Variants in DNAH11 observed in about 807,000 individuals in gnomAD.
DNAH11 encodes the protein axonemal beta dynein heavy chain 11.
A neutral mutation model predicts 526.0 loss-of-function variants in DNAH11; 442 were observed. That is an observed-to-expected ratio of 0.84 (90% CI 0.78 to 0.91). The LOEUF is 0.91. DNAH11 is among the 40% of genes least tolerant of loss of function. DNAH11 has a pLI of 0.00. For missense variants in DNAH11, 6,989 were observed against 5,448.7 expected, an observed-to-expected ratio of 1.28 and a Z score of -8.90; for synonymous variants, 2,461 against 1,935.9, an observed-to-expected ratio of 1.27 and a Z score of -7.12.
chr7:21,750,253 T>A lies in DNAH11; in HGVS notation c.8829T>A (p.Asp2943Glu), dbSNP rs886038474. The stretch of plus-strand genomic sequence containing the variant: ...TCCCAGATCTGTTCAGCGATGAAGA[T>A]GTGGACAAGATAATTTCTGGAATTC... Reference protein sequence around the residue: ...GEIPDLFSDEDVDKIISGIHN... With the variant: ...GEIPDLFSDEEVDKIISGIHN... Residue 2943 changes from aspartate (D) to glutamate (E), a missense_variant, in exon 54 of 82, where the codon GAT becomes GAA. By Grantham distance (45) the Asp-to-Glu change is conservative. Transcript: ENST00000409508. 3.7e-6 allele frequency: 6 copies of A among 1,606,388 alleles called. No homozygotes were observed. Among genetic ancestry groups the A allele is most frequent in the Non-Finnish European group, 4.3e-6 (5 of 1,176,350 alleles).
chr7:21,616,381 G>T, intron 22 of DNAH11, 89 bp downstream of exon 22: 1 of 1,025,268 alleles, frequency 9.8e-7, no homozygotes, highest in Non-Finnish European at 1.4e-6. Context: ...GGTGTATTGG[G>T]CTGCATGTAC....
In DNAH11 at chr7:21,765,582, G is replaced by A. The variant is rs1490098860; in HGVS notation, c.9095G>A (p.Gly3032Glu). The A allele has an allele frequency of 1.3e-5, 20 of 1,541,360 alleles. 1 individual carries two copies. Among genetic ancestry groups the A allele is most frequent in the East Asian group, 7.0e-5 (3 of 42,986 alleles). Residue 3032 changes from glycine to glutamate, a missense_variant, in exon 55 of 82, where the codon GGA (glycine) becomes GAA (glutamate). Gly to Glu is a moderately conservative substitution (Grantham distance 98). Coordinates refer to ENST00000409508, the MANE Select transcript of DNAH11 (RefSeq NM_001277115.2). Reference sequence around the variant, plus strand: ...AGGAGGTTCATTGAGGAAACCAAGGGAATTGAGGTATGCCGTGTCAGCCTG... The same window carrying A: ...AGGAGGTTCATTGAGGAAACCAAGGAAATTGAGGTATGCCGTGTCAGCCTG... ...VSRRFIEETK[G>E]IEPVHKDSIS...
chr7:21,753,582 T>C (rs988036430), intron 54 of DNAH11, among the ~76,000 whole-genome samples: 4 of 152,232 alleles, frequency 2.6e-5, no homozygotes, highest in African/African-American at 9.6e-5. Context: ...CTAAACAACA[T>C]GTATTTCTTC....
rs201303707 is a variant in DNAH11 at position 21,895,975 on chromosome 7, C to T, written c.13049+976C>T. Among the ~76,000 whole-genome samples the T allele has an allele frequency of 1.3e-3, 200 of 152,184 alleles. 1 individual carries two copies. Among genetic ancestry groups the T allele is most frequent in the Middle Eastern group, 6.8e-3 (2 of 294 alleles). On this transcript the variant is annotated intron_variant, in intron 79 of 81. Transcript: ENST00000409508. ...CAATCTCCTGACCTCATGATCTGCCCGCCTCAGCCTCCCAAAGTGCTGGGA... is the reference window on the plus strand; with the variant it reads ...CAATCTCCTGACCTCATGATCTGCCTGCCTCAGCCTCCCAAAGTGCTGGGA...
chr7:21,862,680 A>G (rs2128031313), intron 69 of DNAH11, among the ~76,000 whole-genome samples: 1 of 152,354 alleles, frequency 6.6e-6, no homozygotes, highest in Admixed American at 6.5e-5. Context: ...GACAGCAGTG[A>G]CTAGGTAAAG....
rs770202724 is a variant in DNAH11, at chr7:21,588,180, G to A, written c.1827G>A (p.Leu609=). The A allele has an allele frequency of 6.2e-7, 1 of 1,612,556 alleles. No homozygotes were observed. The change falls in exon 10 of 82, where the codon CTG becomes CTA. Residue 609 remains leucine (L), a synonymous_variant. Coordinates refer to ENST00000409508, the MANE Select transcript of DNAH11 (RefSeq NM_001277115.2). Reference sequence around the variant, plus strand: ...CAGAGCTGGATGTGTGTAAGCAACTGTATAATGAACACATGAAACAGGTAA... The same window carrying A: ...CAGAGCTGGATGTGTGTAAGCAACTATATAATGAACACATGAAACAGGTAA... ...FNTELDVCKQ[L]YNEHMKQIEC... is the part of the protein sequence containing the mutation.
At chr7:21,615,072 T>C (rs770453175) in intron 20 of DNAH11, 42 bp from the exon 21 acceptor site, 1 of 1,555,240 alleles carries the variant, frequency 6.4e-7, no homozygotes, top group Non-Finnish European at 8.6e-7. Context: ...GTCTTCTCTT[T>C]CTCTGGCAGT....
chr7:21,802,864 A>G (rs769620145), intron 62 of DNAH11, among the ~76,000 whole-genome samples: 7 of 151,798 alleles, frequency 4.6e-5, no homozygotes, highest in African/African-American at 9.7e-5. Flanking sequence ...AGTGACTACT[A>G]CTGGATACAT....
intron 38 of DNAH11, among the ~76,000 whole-genome samples, chr7:21,704,934 C>G (rs1231591502): frequency 1.3e-5 from 2 of 152,094 alleles, no homozygotes; most frequent in African/African-American, 4.8e-5. Context: ...GTTCTTTCCT[C>G]CTTTTTAGAG....
intron 62 of DNAH11, among the ~76,000 whole-genome samples, 152 bp from the exon 63 acceptor site, chr7:21,807,731 G>T (rs567096352): frequency 6.6e-6 from 1 of 152,298 alleles, no homozygotes; most frequent in Admixed American, 6.5e-5. Flanking sequence ...ACACATGAAA[G>T]ATTATAACAG....
At chr7:21,830,652 T>A (rs535676923) in intron 65 of DNAH11, among the ~76,000 whole-genome samples, 1 of 151,928 alleles carries the variant, frequency 6.6e-6, no homozygotes. Context: ...CTAAGCCACC[T>A]TGGCCAAGCC....
intron 41 of DNAH11, 124 bp downstream of exon 41, chr7:21,710,827 T>C: frequency 2.1e-6 from 2 of 954,498 alleles, no homozygotes; most frequent in Non-Finnish European, 3.0e-6. Flanking sequence ...GTAATTATTA[T>C]TTTGATAAGT....
chr7:21,776,471 C>T (rs1047834155), intron 56 of DNAH11, among the ~76,000 whole-genome samples: 1 of 152,178 alleles, frequency 6.6e-6, no homozygotes. Context: ...GGCATGTATC[C>T]TCTAAGGGTC....
At chr7:21,897,146 GC>G (rs1784544373) in intron 79 of DNAH11, among the ~76,000 whole-genome samples, 1 of 152,090 alleles carries the variant, frequency 6.6e-6, no homozygotes, top group Non-Finnish European at 1.5e-5. Context: ...AGGGTGCCTA[GC>G]TTAGTTTTAT....
chr7:21,862,120 G>GA, intron 69 of DNAH11, 97 bp downstream of exon 69: 12 of 1,011,570 alleles, frequency 1.2e-5, no homozygotes, highest in Non-Finnish European at 1.5e-5. Flanking sequence ...AAATATAATA[G>GA]ACTTTTTTTT....
chr7:21,628,642 A>G (rs1405370122), intron 25 of DNAH11, among the ~76,000 whole-genome samples: 1 of 152,092 alleles, frequency 6.6e-6, no homozygotes, highest in Admixed American at 6.5e-5. Flanking sequence ...AATGACTCCC[A>G]CTTAACCATG....
intron 72 of DNAH11, 146 bp from the exon 73 acceptor site, chr7:21,868,717 AC>A: frequency 9.9e-7 from 1 of 1,014,172 alleles, no homozygotes; most frequent in Non-Finnish European, 1.4e-6. Context: ...GCTTGTGGAT[AC>A]AACAGAAGTT....
chr7:21,744,774 G>T lies in DNAH11; in HGVS notation c.8317-96G>T, dbSNP rs1007545772. On this transcript the variant is annotated intron_variant, in intron 50 of 81. Coordinates refer to ENST00000409508, the MANE Select transcript of DNAH11 (RefSeq NM_001277115.2). ...ACATTCCACCCACCTACCCATGTGTGGGTCTGCAAGCTTTTCCCTTGCTAG... is the reference window on the plus strand; with the variant it reads ...ACATTCCACCCACCTACCCATGTGTTGGTCTGCAAGCTTTTCCCTTGCTAG... 1.6e-5 allele frequency: 23 copies of T among 1,467,066 alleles called. No individual in the cohort carries two copies. In the African/African-American group the frequency reaches 3.1e-4, roughly 20 times the overall value. The allele number at this position is 1,467,066 out of a possible 1,614,324, so 90.9% of individuals were successfully genotyped here.
intron 7 of DNAH11, among the ~76,000 whole-genome samples, chr7:21,571,378 C>G (rs955260707): frequency 6.6e-6 from 1 of 152,122 alleles, no homozygotes; most frequent in Non-Finnish European, 1.5e-5. Context: ...CCTCCTGGAT[C>G]AAGTGATCCT....
Sources: gnomAD v4.1 joint callset for allele counts (sites outside exome capture counted in the v4.1 genomes callset) on GRCh38, gnomAD v4.1.1 for gene constraint, MANE v1.5 for transcripts, NCBI Gene and HGNC (gene_info 2026-07-23, HGNC 2026-07-21) for gene names.